Variants in CHIC1 observed in about 807,000 individuals in gnomAD.
CHIC1 encodes the protein cysteine rich hydrophobic domain 1, also known as cysteine-rich hydrophobic domain-containing protein 1.
Under a neutral mutation model 18.5 loss-of-function variants are expected in CHIC1, and 7 were observed. The ratio of observed to expected loss-of-function variants is 0.38; its 90% CI spans 0.22 to 0.71. The LOEUF (loss-of-function observed/expected upper bound fraction) is 0.71. Ranked by LOEUF, CHIC1 falls within the 30% of genes least tolerant of loss-of-function variation. The probability of loss-of-function intolerance (pLI) is 0.49; values close to 1 mark genes in which losing one functional copy is unlikely to be tolerated. For synonymous variants in CHIC1, 77 were observed against 73.5 expected (o/e 1.05, Z -0.25); for missense variants, 159 against 176.9 (o/e 0.90, Z 0.57).
rs1263178399 is a variant in CHIC1 at position 73,682,363 on chromosome X, C to T, written c.*1358C>T. 1.8e-5 allele frequency: 2 copies of T among 111,706 alleles called. No individual in the cohort carries two copies. The highest frequency in any genetic ancestry group is 3.8e-5 in the Non-Finnish European group (2 of 52,835). 9.2% of individuals were successfully genotyped at this position (111,706 alleles called of 1,213,427 possible). ...TCAGTATAATGAAAGCTTTATATCA[C>T]ATTAATTCAACTGCAAATGTATGCC... is the stretch of plus-strand genomic sequence containing the variant. On this transcript the variant is annotated 3_prime_UTR_variant, in exon 6 of 6. Coordinates refer to ENST00000373502, the MANE Select transcript of CHIC1 (RefSeq NM_001039840.4).
Position 73,606,007 on chromosome X carries a change from T to G in CHIC1, c.507+21435T>G, listed in dbSNP as rs749964735. Among the ~76,000 whole-genome samples, 96 of 108,134 alleles carry G rather than the reference T, an allele frequency of 8.9e-4. 1 individual carries two copies. The South Asian group carries it at 0.032, about 36-fold the overall frequency. The allele number at this position is 108,134 out of a possible 115,157, so 93.9% of individuals were successfully genotyped here. The stretch of plus-strand genomic sequence containing the variant: ...CTTCTCGAGGTGTATCTTTGTGGTG[T>G]TCTCTGTATTTCCTGAATTTGAATG... On this transcript the variant is annotated intron_variant, in intron 3 of 5. Coordinates refer to ENST00000373502, the MANE Select transcript of CHIC1 (RefSeq NM_001039840.4).
intron 5 of CHIC1, 41 bp from the exon 6 acceptor site, chrX:73,680,914 G>GA (rs2058095805): frequency 4.1e-6 from 3 of 738,518 alleles, no homozygotes; most frequent in Non-Finnish European, 4.0e-6. Context: ...TATATTAAAT[G>GA]AAAAATATTT....
At chrX:73,669,827 T>C (rs752466631) in intron 3 of CHIC1, among the ~76,000 whole-genome samples, 34 of 111,839 alleles carry the variant, frequency 3.0e-4, no homozygotes, top group Non-Finnish European at 5.1e-4. Context: ...GTTATTATCT[T>C]GTGAAGTGAG....
intron 1 of CHIC1, among the ~76,000 whole-genome samples, chrX:73,569,036 C>T (rs2057457750): frequency 9.0e-6 from 1 of 111,237 alleles, no homozygotes; most frequent in Non-Finnish European, 1.9e-5. Context: ...AGACATTTTT[C>T]CCATATGAAA....
At chrX:73,671,511 G>T (rs1250727425) in intron 3 of CHIC1, among the ~76,000 whole-genome samples, 1 of 111,194 alleles carries the variant, frequency 9.0e-6, no homozygotes. Context: ...CAAAAGATTT[G>T]TCTTCAAGTT....
At chrX:73,661,016 G>C (rs1345254386) in intron 3 of CHIC1, among the ~76,000 whole-genome samples, 1 of 110,776 alleles carries the variant, frequency 9.0e-6, no homozygotes, top group African/African-American at 3.3e-5. Context: ...TTTGTTTTTT[G>C]AGCATATTTT....
intron 3 of CHIC1, among the ~76,000 whole-genome samples, chrX:73,674,304 A>G (rs1449333273): frequency 8.9e-6 from 1 of 111,983 alleles, no homozygotes; most frequent in Non-Finnish European, 1.9e-5. Flanking sequence ...TTTCAGAAGG[A>G]ATGGTACCAG....
At chrX:73,674,103 T>C (rs999619842) in intron 3 of CHIC1, among the ~76,000 whole-genome samples, 1 of 112,025 alleles carries the variant, frequency 8.9e-6, no homozygotes, top group Admixed American at 9.5e-5. Flanking sequence ...AGAAGCCGAC[T>C]TGATCATGGT....
Position 73,563,363 on chromosome X carries a change from ACGTCGTCGTCGTCGCCGT to A in CHIC1, c.94_111del (p.Pro32_Ser37del), listed in dbSNP as rs777226608. 16 of 1,151,803 alleles carry A rather than the reference ACGTCGTCGTCGTCGCCGT, an allele frequency of 1.4e-5. No homozygotes were observed. Among genetic ancestry groups the A allele is most frequent in the East Asian group, 1.0e-4 (3 of 29,970 alleles). The allele number at this position is 1,151,803 out of a possible 1,213,427, so 94.9% of individuals were successfully genotyped here. On this transcript the variant is annotated inframe_deletion, in exon 1 of 6. Coordinates refer to ENST00000373502, the MANE Select transcript of CHIC1 (RefSeq NM_001039840.4). ...GGAGGAGGAGGAAGAAGAAGCGGCAACGTCGTCGTCGTCGCCGTCGTCGTCGTCGTCGGTATCTGGGCC... is the reference window on the plus strand; with the variant it reads ...GGAGGAGGAGGAAGAAGAAGCGGCAACGTCGTCGTCGTCGGTATCTGGGCC...
intron 3 of CHIC1, among the ~76,000 whole-genome samples, chrX:73,650,514 C>T (rs1242269475): frequency 9.0e-6 from 1 of 110,658 alleles, no homozygotes; most frequent in African/African-American, 3.3e-5. Context: ...ACTGACCGCA[C>T]AGAAATAGAA....
chrX:73,685,910 T>C lies in CHIC1; in HGVS notation c.*4905T>C, dbSNP rs2058119619. On this transcript the variant is annotated 3_prime_UTR_variant, in exon 6 of 6. Coordinates refer to ENST00000373502, the MANE Select transcript of CHIC1 (RefSeq NM_001039840.4). ...GGGAGGAAAAGCAGGTGGATGTAAATCAGTGATTCCCAACTTCAGCAGATG... is the reference window on the plus strand; with the variant it reads ...GGGAGGAAAAGCAGGTGGATGTAAACCAGTGATTCCCAACTTCAGCAGATG... 2 of 111,244 alleles carry C rather than the reference T, an allele frequency of 1.8e-5. No individual in the cohort carries two copies. The highest frequency in any genetic ancestry group is 3.8e-5 in the Non-Finnish European group (2 of 52,850). 9.2% of individuals were successfully genotyped at this position (111,244 alleles called of 1,213,427 possible). A position where few individuals can be genotyped will look rare whatever the true frequency, so the allele number is the denominator to read the frequency against.
In CHIC1 at chrX:73,595,706, G is replaced by A. The variant is rs182871685; in HGVS notation, c.507+11134G>A. Among the ~76,000 whole-genome samples, 4 of 110,951 alleles carry A rather than the reference G, an allele frequency of 3.6e-5. No individual in the cohort carries two copies. In the Admixed American group the frequency reaches 3.8e-4, roughly 11 times the overall value. ...TATATACCCAGTAATGTCATTTCTG[G>A]GTCAAATGGTATTTCTAGTTCTAGA... On this transcript the variant is annotated intron_variant, in intron 3 of 5. Transcript: ENST00000373502.
At chrX:73,607,029 C>G (rs2057686499) in intron 3 of CHIC1, among the ~76,000 whole-genome samples, 1 of 109,008 alleles carries the variant, frequency 9.2e-6, no homozygotes, top group Non-Finnish European at 1.9e-5. Flanking sequence ...ATCCATTGCT[C>G]TTTTCAGAGC....
In CHIC1 at chrX:73,611,054, T is replaced by C. The variant is rs191462212; in HGVS notation, c.507+26482T>C. On this transcript the variant is annotated intron_variant, in intron 3 of 5. Coordinates refer to ENST00000373502, the MANE Select transcript of CHIC1 (RefSeq NM_001039840.4). ...TATTATTATACTTTAAGTTTTAGGG[T>C]ACATGTGCACAACGTGCCGGTTAGT... Among the ~76,000 whole-genome samples the C allele has an allele frequency of 1.9e-5, 2 of 107,476 alleles. 1 individual carries two copies. The highest frequency in any genetic ancestry group is 7.3e-5 in the African/African-American group (2 of 27,467). The allele number at this position is 107,476 out of a possible 115,157, so 93.3% of individuals were successfully genotyped here. A position where few individuals can be genotyped will look rare whatever the true frequency, so the allele number is the denominator to read the frequency against.
rs994317200 is a variant in CHIC1, at chrX:73,680,984, T to C, written c.654T>C (p.Tyr218=). The C allele has an allele frequency of 9.0e-7, 1 of 1,112,541 alleles. No individual in the cohort carries two copies. The highest frequency in any genetic ancestry group is 1.2e-6 in the Non-Finnish European group (1 of 827,554). 91.7% of individuals were successfully genotyped at this position (1,112,541 alleles called of 1,213,427 possible). ...TACTAATAGAATTCTTACCAAAATA[T>C]CCCATATTCCGACCTGACTGAGGAG... ...YVILIEFLPK[Y]PIFRPD is the part of the protein sequence containing the mutation. The change falls in exon 6 of 6, where the codon TAT becomes TAC. Residue 218 remains tyrosine, a synonymous_variant. Coordinates refer to ENST00000373502, the MANE Select transcript of CHIC1 (RefSeq NM_001039840.4).
At chrX:73,619,212 A>G (rs950476343) in intron 3 of CHIC1, among the ~76,000 whole-genome samples, 2 of 110,866 alleles carry the variant, frequency 1.8e-5, no homozygotes, top group African/African-American at 6.6e-5. Context: ...GGATTCTCTT[A>G]GCTTTCTTTG....
chrX:73,660,503 G>A (rs765549072), intron 3 of CHIC1, among the ~76,000 whole-genome samples: 2 of 111,992 alleles, frequency 1.8e-5, no homozygotes, highest in Non-Finnish European at 3.8e-5. Context: ...AATACCCTAC[G>A]CGAGTTGCAG....
chrX:73,565,867 C>G (rs1039034715), intron 1 of CHIC1, among the ~76,000 whole-genome samples: 1 of 111,070 alleles, frequency 9.0e-6, no homozygotes, highest in African/African-American at 3.3e-5. Flanking sequence ...TCTACCAGCC[C>G]TGATTTTTTT....
intron 3 of CHIC1, among the ~76,000 whole-genome samples, chrX:73,644,960 G>A (rs903750166): frequency 2.0e-4 from 22 of 112,099 alleles, no homozygotes; most frequent in African/African-American, 3.9e-4. Context: ...ACTCACACCC[G>A]GTGCGCTGCA....
Sources: gnomAD v4.1 joint callset for allele counts (sites outside exome capture counted in the v4.1 genomes callset) on GRCh38, gnomAD v4.1.1 for gene constraint, MANE v1.5 for transcripts, NCBI Gene and HGNC (gene_info 2026-07-23, HGNC 2026-07-21) for gene names.